The following RXRB variants were observed in gnomAD, a reference collection of about 807,000 sequenced individuals.
RXRB encodes retinoid X receptor beta, also known as retinoic acid receptor RXR-beta.
In RXRB, 18 loss-of-function variants were observed where a neutral mutation model predicts 52.5. That is an observed-to-expected ratio of 0.34 (90% CI 0.24 to 0.51). The LOEUF is 0.51. Ranked by LOEUF, RXRB falls within the 20% of genes least tolerant of loss-of-function variation. The probability of loss-of-function intolerance (pLI) is 0.97; values close to 1 mark genes in which losing one functional copy is unlikely to be tolerated. For missense variants in RXRB, 455 were observed against 698.2 expected (o/e 0.65, Z 3.92); for synonymous variants, 233 against 267.1 (o/e 0.87, Z 1.25).
chr6:33,198,090 TC>T, intron 3 of RXRB, 149 bp from the exon 4 acceptor site: 1 of 1,031,340 alleles, frequency 9.7e-7, no homozygotes, highest in Non-Finnish European at 1.4e-6. Context: ...GATGATCCAG[TC>T]CCAGTCTCCT....
In RXRB at chr6:33,194,972, T is replaced by C; in HGVS notation, c.1427A>G (p.Lys476Arg). 1 of 1,612,860 alleles carries C rather than the reference T, an allele frequency of 6.2e-7. No individual in the cohort carries two copies. The highest frequency in any genetic ancestry group is 8.5e-7 in the Non-Finnish European group (1 of 1,179,984). The change falls in exon 9 of 10, where the codon AAA becomes AGA. Residue 476 changes from lysine (K) to arginine (R), a missense_variant. Lys to Arg is a conservative substitution (Grantham distance 26). This residue lies in a region of RXRB where 115 missense variants were observed against 253.1 expected (regional missense o/e 0.45). Coordinates refer to ENST00000374680, the MANE Select transcript of RXRB (RefSeq NM_021976.5). This position sits in a 1 kb window ranked among gnomAD's most constrained non-coding sequence, Gnocchi z 4.1. ...TCCCTGCTGCTCAGGGTACTTCTGT[T>C]TGCAGTAGGTCTCCAGTGATGCATA... ...KVYASLETYCKQKYPEQQGRF... is the reference protein window; with the variant it reads ...KVYASLETYCRQKYPEQQGRF...
Position 33,200,484 on chromosome 6 carries a change from G to T in RXRB, c.-8C>A, listed in dbSNP as rs1452390488. ...GCGAGCGGCCCAAGACATGATCCCT[G>T]GCTGAGAGTAGGGATACCGAAGAGG... On this transcript the variant is annotated 5_prime_UTR_variant, in exon 1 of 10. Transcript: ENST00000374680. The surrounding 1 kb of genome is among the most constrained non-coding windows in gnomAD (Gnocchi z 6.3). The T allele has an allele frequency of 5.7e-6, 9 of 1,587,290 alleles. No individual in the cohort carries two copies. In the South Asian group the frequency reaches 1.0e-4, roughly 18 times the overall value.
intron 2 of RXRB, chr6:33,198,785 G>A: frequency 2.1e-6 from 1 of 486,940 alleles, no homozygotes; most frequent in Admixed American, 3.2e-5. Context: ...GTGGTGGTAG[G>A]CACCTGTAAT....
intron 3 of RXRB, 129 bp downstream of exon 3, chr6:33,198,179 G>A: frequency 7.4e-7 from 1 of 1,357,990 alleles, no homozygotes; most frequent in East Asian, 2.3e-5. Flanking sequence ...CTCAGCTTCA[G>A]CTTCTTTACT....
intron 2 of RXRB, 66 bp from the exon 3 acceptor site, chr6:33,198,530 T>C (rs1444822401): frequency 6.1e-5 from 89 of 1,452,120 alleles, no homozygotes; most frequent in Non-Finnish European, 8.6e-5. Flanking sequence ...ACAGAAGTGA[T>C]GGAAATCATT....
In RXRB at chr6:33,200,264, G is replaced by C. The variant is rs779746679; in HGVS notation, c.213C>G (p.Asp71Glu). Residue 71 changes from aspartate to glutamate, a missense_variant, in exon 1 of 10, where the codon GAC becomes GAG. By Grantham distance (45) the Asp-to-Glu change is conservative. This residue lies in a region of RXRB where 225 missense variants were observed against 258.6 expected (regional missense o/e 0.87). Transcript: ENST00000374680. The surrounding 1 kb of genome is among the most constrained non-coding windows in gnomAD (Gnocchi z 6.3). ...CACCCCGCCCGCTGTCGCCCATCCC[G>C]TCCCGTCCAGCCTCCCCTGGCTCCG... is the stretch of plus-strand genomic sequence containing the variant. ...PEPEPGEAGR[D>E]GMGDSGRDSR... is the part of the protein sequence containing the mutation. The C allele has an allele frequency of 6.2e-7, 1 of 1,607,342 alleles. No homozygotes were observed. The highest frequency in any genetic ancestry group is 8.5e-7 in the Non-Finnish European group (1 of 1,178,832).
In RXRB at chr6:33,194,845, G is replaced by C; in HGVS notation, c.1455-16C>G. The C allele has an allele frequency of 6.2e-7, 1 of 1,610,882 alleles. No homozygotes were observed. Among genetic ancestry groups the C allele is most frequent in the East Asian group, 2.3e-5 (1 of 44,232 alleles). ...CTTGGCAAACCTGGGGTGGAGGTGG[G>C]AGAAGGGGATTGAGAGCTGGAAGCA... On this transcript the variant is annotated splice_polypyrimidine_tract_variant and intron_variant, in intron 9 of 9. Coordinates refer to ENST00000374680, the MANE Select transcript of RXRB (RefSeq NM_021976.5). This position sits in a 1 kb window ranked among gnomAD's most constrained non-coding sequence, Gnocchi z 4.1.
At position 33,200,570 on chromosome 6, in the gene RXRB, A is replaced by G; in HGVS notation, c.-94T>C. 1.3e-6 allele frequency: 2 copies of G among 1,493,042 alleles called. No homozygotes were observed. Among genetic ancestry groups the G allele is most frequent in the Non-Finnish European group, 1.8e-6 (2 of 1,121,706 alleles). 92.5% of individuals were successfully genotyped at this position (1,493,042 alleles called of 1,614,324 possible). ...CTGAGCACGAGGAAGCCCCTGAGAG[A>G]AAGACTCTGGCCTGGATTGGGTCGA... On this transcript the variant is annotated 5_prime_UTR_variant, in exon 1 of 10. Coordinates refer to ENST00000374680, the MANE Select transcript of RXRB (RefSeq NM_021976.5). The surrounding 1 kb of genome is among the most constrained non-coding windows in gnomAD (Gnocchi z 6.3).
intron 1 of RXRB, 85 bp from the exon 2 acceptor site, chr6:33,199,501 A>G (rs1185388032): frequency 1.8e-6 from 2 of 1,106,458 alleles, no homozygotes; most frequent in Non-Finnish European, 2.3e-6. Context: ...ACATCCAACT[A>G]GAGACTTTAA....
upstream of RXRB, chr6:33,200,691 C>G (rs1007141585): frequency 3.8e-5 from 58 of 1,545,024 alleles, no homozygotes; most frequent in Non-Finnish European, 4.3e-5. This position sits in a 1 kb window ranked among gnomAD's most constrained non-coding sequence, Gnocchi z 6.3. Context: ...TTCCCGCCCC[C>G]TCGTCTAGTT....
chr6:33,200,727 G>A (rs777569167), upstream of RXRB: 13 of 1,545,576 alleles, frequency 8.4e-6, no homozygotes, highest in African/African-American at 2.7e-5. This position sits in a 1 kb window ranked among gnomAD's most constrained non-coding sequence, Gnocchi z 6.3. Flanking sequence ...GGTCTCCTCC[G>A]GCCTGTTAGC....
Position 33,200,491 on chromosome 6 carries a change from A to T in RXRB, c.-15T>A. ...GCCCAAGACATGATCCCTGGCTGAG[A>T]GTAGGGATACCGAAGAGGTCCCAGG... On this transcript the variant is annotated 5_prime_UTR_variant, in exon 1 of 10. Transcript: ENST00000374680. This position sits in a 1 kb window ranked among gnomAD's most constrained non-coding sequence, Gnocchi z 6.3. 6.3e-7 allele frequency: 1 copy of T among 1,582,052 alleles called. No homozygotes were observed. Among genetic ancestry groups the T allele is most frequent in the Non-Finnish European group, 8.6e-7 (1 of 1,166,230 alleles).
intron 2 of RXRB, chr6:33,198,751 C>G: frequency 1.8e-6 from 1 of 552,056 alleles, no homozygotes; most frequent in Non-Finnish European, 3.3e-6. Context: ...AAAAGGACAT[C>G]AAGAATATCA....
Position 33,194,730 on chromosome 6 carries a change from G to A in RXRB, c.1554C>T (p.Ile518=), listed in dbSNP as rs1225666223. 2.5e-6 allele frequency: 4 copies of A among 1,613,046 alleles called. No homozygotes were observed. Among genetic ancestry groups the A allele is most frequent in the African/African-American group, 1.3e-5 (1 of 74,912 alleles). Residue 518 remains isoleucine (I), a synonymous_variant, in exon 10 of 10, where the codon ATC becomes ATT. Transcript: ENST00000374680. This position sits in a 1 kb window ranked among gnomAD's most constrained non-coding sequence, Gnocchi z 4.1. The stretch of plus-strand genomic sequence containing the variant: ...CAAGCATCTCCATGAGGAAGGTGTC[G>A]ATGGGGGTGTCACCAATGAGCTTGA... ...FFFKLIGDTP[I]DTFLMEMLEA...
rs1331664646 is a variant in RXRB, at chr6:33,199,391, G to A, written c.261C>T (p.Ser87=). ...GRDSRSPDSS[S]PNPLPQGVPP... ...GGACTCCCTGGGGAAGGGGATTTGG[G>A]GAGGAGCTGTCTGGGCTTCGGGAGT... The change falls in exon 2 of 10, where the codon TCC becomes TCT. Residue 87 remains serine, a synonymous_variant. Transcript: ENST00000374680. 3 of 1,252,178 alleles carry A rather than the reference G, an allele frequency of 2.4e-6. No individual in the cohort carries two copies. Among genetic ancestry groups the A allele is most frequent in the Non-Finnish European group, 3.0e-6 (3 of 989,982 alleles). The allele number at this position is 1,252,178 out of a possible 1,614,324, so 77.6% of individuals were successfully genotyped here. A position where few individuals can be genotyped will look rare whatever the true frequency, so the allele number is the denominator to read the frequency against.
Position 33,197,931 on chromosome 6 carries a change from G to A in RXRB, c.651C>T (p.Tyr217=), listed in dbSNP as rs374906298. The A allele has an allele frequency of 4.3e-6, 7 of 1,613,048 alleles. No homozygotes were observed. Among genetic ancestry groups the A allele is most frequent in the East Asian group, 2.2e-5 (1 of 44,902 alleles). ...TGCAACCCTCACAGCTGTAAACCCC[G>A]TAGTGTTTGCCTACAGGGAAAGGGG... ...ICGDRSSGKH[Y]GVYSCEGCKG... The change falls in exon 4 of 10, where the codon TAC becomes TAT. Residue 217 remains tyrosine (Y), a synonymous_variant. Transcript: ENST00000374680. This position sits in a 1 kb window ranked among gnomAD's most constrained non-coding sequence, Gnocchi z 4.4.
chr6:33,199,730 G>A (rs1457124092), intron 1 of RXRB: 6 of 430,230 alleles, frequency 1.4e-5, no homozygotes, highest in Non-Finnish European at 2.6e-5. Context: ...TCATTGTGGT[G>A]AGAGGAGGGA....
At position 33,197,410 on chromosome 6, in the gene RXRB, A is replaced by G. The variant is rs994543212; in HGVS notation, c.820+352T>C. On this transcript the variant is annotated intron_variant, in intron 4 of 9. Coordinates refer to ENST00000374680, the MANE Select transcript of RXRB (RefSeq NM_021976.5). This position sits in a 1 kb window ranked among gnomAD's most constrained non-coding sequence, Gnocchi z 4.4. ...GTGCCCAGTCCCAGGAGTTAGAGGA[A>G]AGATCACAGATAACAGGAGACAGAG... 6.6e-6 allele frequency among the ~76,000 whole-genome samples: 1 copy of G among 152,254 alleles called. No homozygotes were observed. The highest frequency in any genetic ancestry group is 2.4e-5 in the African/African-American group (1 of 41,464).
In RXRB at chr6:33,197,631, G is replaced by A; in HGVS notation, c.820+131C>T. 1 of 823,998 alleles carries A rather than the reference G, an allele frequency of 1.2e-6. No individual in the cohort carries two copies. The highest frequency in any genetic ancestry group is 1.9e-6 in the Non-Finnish European group (1 of 533,404). 51.0% of individuals were successfully genotyped at this position (823,998 alleles called of 1,614,324 possible). On this transcript the variant is annotated intron_variant, in intron 4 of 9. Transcript: ENST00000374680. This position sits in a 1 kb window ranked among gnomAD's most constrained non-coding sequence, Gnocchi z 4.4. ...GGGTAACAGGGAGGAGAGCTGCGAA[G>A]GGAGAGAGAAATCAAATATCGCCCT...
Sources: gnomAD v4.1 joint callset for allele counts (sites outside exome capture counted in the v4.1 genomes callset) on GRCh38, gnomAD v4.1.1 for gene constraint, gnomAD v4.1.1 regional missense constraint, Gnocchi (gnomAD v3.1) non-coding constraint, MANE v1.5 for transcripts, NCBI Gene and HGNC (gene_info 2026-07-23, HGNC 2026-07-21) for gene names.